The following ACACA variants were observed in gnomAD, a reference collection of about 807,000 sequenced individuals.
The protein encoded by ACACA is acetyl-CoA carboxylase alpha.
Under a neutral mutation model 296.1 loss-of-function variants are expected in ACACA, and 103 were observed. That is an observed-to-expected ratio of 0.35 (90% CI 0.30 to 0.41). The LOEUF is 0.41. ACACA is among the 10% of genes least tolerant of loss of function. The pLI, the probability that ACACA is intolerant of heterozygous loss-of-function variation, is 1.00. For synonymous variants in ACACA, 953 were observed against 1,038.6 expected (o/e 0.92, Z 1.58); for missense variants, 1,554 against 2,989.7 (o/e 0.52, Z 11.20).
intron 1 of ACACA, chr17:37,388,586 CA>C: frequency 6.8e-7 from 1 of 1,469,536 alleles, no homozygotes; most frequent in Non-Finnish European, 9.3e-7. Context: ...TCTTGTGAGC[CA>C]GAAGAACTTC....
chr17:37,323,610 T>C (rs1404664414), intron 3 of ACACA, among the ~76,000 whole-genome samples: 1 of 152,014 alleles, frequency 6.6e-6, no homozygotes, highest in Non-Finnish European at 1.5e-5. Flanking sequence ...AAAAAACCCA[T>C]ACATTTAGCA....
At position 37,086,013 on chromosome 17, in the gene ACACA, A is replaced by T. The variant is rs567194123; in HGVS notation, c.*1303T>A. Reference sequence around the variant, plus strand: ...CTTGAATAAACTAGTTGTTGAAAGTAAACTCTCTCCACCACCTGAGGAAGC... The same window carrying T: ...CTTGAATAAACTAGTTGTTGAAAGTTAACTCTCTCCACCACCTGAGGAAGC... On this transcript the variant is annotated 3_prime_UTR_variant, in exon 56 of 56. Transcript: ENST00000616317. The T allele has an allele frequency of 1.7e-4, 67 of 393,172 alleles. No individual in the cohort carries two copies. Among genetic ancestry groups the T allele is most frequent in the Non-Finnish European group, 1.9e-4 (43 of 223,252 alleles). The allele number at this position is 393,172 out of a possible 1,614,324, so 24.4% of individuals were successfully genotyped here. A position where few individuals can be genotyped will look rare whatever the true frequency, so the allele number is the denominator to read the frequency against.
intron 45 of ACACA, among the ~76,000 whole-genome samples, chr17:37,133,370 C>T (rs1033131044): frequency 6.6e-6 from 1 of 152,176 alleles, no homozygotes; most frequent in Non-Finnish European, 1.5e-5. Flanking sequence ...TTATAGGGGT[C>T]GTTGCTGACT....
Position 37,097,716 on chromosome 17 carries a change from G to A in ACACA, c.6720+114C>T. On this transcript the variant is annotated intron_variant, in intron 53 of 55. Coordinates refer to ENST00000616317, the MANE Select transcript of ACACA (RefSeq NM_198834.3). This position sits in a 1 kb window ranked among gnomAD's most constrained non-coding sequence, Gnocchi z 4.8. ...AATATTGAAAATGTTTTGATCTGCAGAAGTTGTTTTAATTTGGCCCTCATA... is the reference window on the plus strand; with the variant it reads ...AATATTGAAAATGTTTTGATCTGCAAAAGTTGTTTTAATTTGGCCCTCATA... 8.0e-7 allele frequency: 1 copy of A among 1,244,672 alleles called. No individual in the cohort carries two copies. Among genetic ancestry groups the A allele is most frequent in the South Asian group, 1.4e-5 (1 of 72,554 alleles). The allele number at this position is 1,244,672 out of a possible 1,614,324, so 77.1% of individuals were successfully genotyped here. A position where few individuals can be genotyped will look rare whatever the true frequency, so the allele number is the denominator to read the frequency against.
At position 37,277,882 on chromosome 17, in the gene ACACA, T is replaced by C. The variant is rs770263675; in HGVS notation, c.720+14A>G. The C allele has an allele frequency of 1.5e-5, 24 of 1,584,246 alleles. 1 individual carries two copies. In the Admixed American group the frequency reaches 2.0e-4, roughly 13 times the overall value. On this transcript the variant is annotated intron_variant, in intron 6 of 55. Transcript: ENST00000616317. ...GCTGAATTTGGTTTTAAAGGACACATTGGCATCTCTTACTTGTACTGGGAT... is the reference window on the plus strand; with the variant it reads ...GCTGAATTTGGTTTTAAAGGACACACTGGCATCTCTTACTTGTACTGGGAT...
At chr17:37,298,253 T>G (rs986529225) in intron 3 of ACACA, among the ~76,000 whole-genome samples, 2 of 152,204 alleles carry the variant, frequency 1.3e-5, no homozygotes, top group African/African-American at 2.4e-5. Context: ...AAAAAAGGAA[T>G]GGAAAAGGAT....
Position 37,193,421 on chromosome 17 carries a change from T to G in ACACA, c.4159-6A>C. 1.3e-6 allele frequency: 2 copies of G among 1,598,150 alleles called. No homozygotes were observed. The highest frequency in any genetic ancestry group is 8.6e-7 in the Non-Finnish European group (1 of 1,165,776). On this transcript the variant is annotated splice_region_variant and splice_polypyrimidine_tract_variant and intron_variant, in intron 35 of 55. Transcript: ENST00000616317. ...AAAAATTTAGGGAATTCTCTCTGTA[T>G]TAAAGAAGGGGGAAAAATGTGTCAG... is the stretch of plus-strand genomic sequence containing the variant.
At chr17:37,342,708 G>A (rs1229824716) in intron 1 of ACACA, among the ~76,000 whole-genome samples, 1 of 151,304 alleles carries the variant, frequency 6.6e-6, no homozygotes, top group Non-Finnish European at 1.5e-5. Flanking sequence ...CATTTGGGAG[G>A]CTGAGGCGGG....
chr17:37,261,626 C>T (rs891358777), intron 11 of ACACA, among the ~76,000 whole-genome samples: 2 of 152,166 alleles, frequency 1.3e-5, no homozygotes, highest in African/African-American at 4.8e-5. Context: ...AAGAACTTCC[C>T]AGAAAACAAT....
intron 43 of ACACA, among the ~76,000 whole-genome samples, chr17:37,154,219 A>C (rs910759550): frequency 1.3e-5 from 2 of 152,164 alleles, no homozygotes; most frequent in East Asian, 3.9e-4. Context: ...ACATGGGACA[A>C]TCTCTGAAGC....
intron 1 of ACACA, among the ~76,000 whole-genome samples, chr17:37,379,670 A>G (rs961639481): frequency 1.3e-5 from 2 of 152,164 alleles, no homozygotes; most frequent in Admixed American, 1.3e-4. Context: ...AAACACATGA[A>G]AAAATGCTCA....
chr17:37,331,111 A>ATTTG (rs1271237782), intron 2 of ACACA, among the ~76,000 whole-genome samples: 1 of 149,736 alleles, frequency 6.7e-6, no homozygotes, highest in Non-Finnish European at 1.5e-5. Flanking sequence ...TTATTTATTT[A>ATTTG]TTTATTTATT....
At position 37,325,579 on chromosome 17, in the gene ACACA, CTTTTTTTTTTTTTTTTT is replaced by C. The variant is rs1156553256; in HGVS notation, c.338+4577_338+4593del. ...CTTAGGGTCTTATTTTCTTTTCTTTCTTTTTTTTTTTTTTTTTTTTTTTTTGCTCTGTTGCCCAGGCT... is the reference window on the plus strand; with the variant it reads ...CTTAGGGTCTTATTTTCTTTTCTTTCTTTTTTTTGCTCTGTTGCCCAGGCT... On this transcript the variant is annotated intron_variant, in intron 3 of 55. Transcript: ENST00000616317. Among the ~76,000 whole-genome samples, 53 of 67,930 alleles carry C rather than the reference CTTTTTTTTTTTTTTTTT, an allele frequency of 7.8e-4. No individual in the cohort carries two copies. In the Middle Eastern group the frequency reaches 0.036, roughly 46 times the overall value. The allele number at this position is 67,930 out of a possible 152,430, so 44.6% of individuals were successfully genotyped here. A position where few individuals can be genotyped will look rare whatever the true frequency, so the allele number is the denominator to read the frequency against.
intron 50 of ACACA, among the ~76,000 whole-genome samples, chr17:37,119,687 G>C (rs1417084708): frequency 1.3e-5 from 2 of 150,512 alleles, no homozygotes; most frequent in African/African-American, 4.9e-5. Context: ...GCCATACAGG[G>C]CTCTTCCTAG....
chr17:37,298,544 A>G (rs913967748), intron 3 of ACACA, among the ~76,000 whole-genome samples: 3 of 152,102 alleles, frequency 2.0e-5, no homozygotes, highest in African/African-American at 7.2e-5. Context: ...AAAATTAGCC[A>G]GGCATGATGG....
At chr17:37,249,061 CTA>C (rs1182360394) in intron 16 of ACACA, among the ~76,000 whole-genome samples, 1 of 152,196 alleles carries the variant, frequency 6.6e-6, no homozygotes, top group Non-Finnish European at 1.5e-5. Context: ...CTTTCTAGTT[CTA>C]TGAGTCTGAC....
intron 7 of ACACA, among the ~76,000 whole-genome samples, 190 bp from the exon 8 acceptor site, chr17:37,276,239 ATGTAGTAAGCTTTT>A (rs1260158871): frequency 6.6e-5 from 10 of 152,176 alleles, no homozygotes; most frequent in Admixed American, 1.3e-4. Flanking sequence ...GTAAAACCTA[ATGTAGTAAGCTTTT>A]TGTGCAGAGT....
intron 45 of ACACA, among the ~76,000 whole-genome samples, chr17:37,145,442 T>C (rs1001839193): frequency 3.9e-5 from 6 of 152,228 alleles, no homozygotes; most frequent in Non-Finnish European, 7.3e-5. Flanking sequence ...ATCTACTACC[T>C]TGAGTGACAT....
intron 3 of ACACA, among the ~76,000 whole-genome samples, chr17:37,293,776 G>A (rs530787265): frequency 6.5e-4 from 99 of 152,192 alleles, no homozygotes; most frequent in African/African-American, 2.3e-3. Context: ...CTGACCTCGG[G>A]TGATCCACCC....
Sources: allele counts gnomAD v4.1 joint callset (sites outside exome capture counted in the v4.1 genomes callset), GRCh38; gene constraint gnomAD v4.1.1; non-coding constraint Gnocchi (gnomAD v3.1); transcripts MANE v1.5; gene names NCBI Gene and HGNC (gene_info 2026-07-23, HGNC 2026-07-21).